Variants in CDCA8 observed in about 807,000 individuals in gnomAD.
CDCA8 encodes the protein cell division cycle associated 8.
A neutral mutation model predicts 40.0 loss-of-function variants in CDCA8; 25 were observed. That is an observed-to-expected ratio of 0.63 (90% CI 0.46 to 0.87). CDCA8 has a LOEUF of 0.87. Ranked by LOEUF, CDCA8 falls within the 40% of genes least tolerant of loss-of-function variation. The pLI, the probability that CDCA8 is intolerant of heterozygous loss-of-function variation, is 0.00. For missense variants in CDCA8, 280 were observed against 348.4 expected (o/e 0.80, Z 1.56); for synonymous variants, 111 against 126.5 (o/e 0.88, Z 0.82).
chr1:37,698,164 T>C (rs1261569291), intron 3 of CDCA8, among the ~76,000 whole-genome samples: 1 of 152,200 alleles, frequency 6.6e-6, no homozygotes, highest in African/African-American at 2.4e-5. Context: ...TTGTAGAGGA[T>C]GTAGATCATT....
rs191458451 is a variant in CDCA8 at position 37,707,131 on chromosome 1, G to C, written c.798+67G>C. 92 of 1,218,778 alleles carry C rather than the reference G, an allele frequency of 7.5e-5. 1 individual carries two copies. The highest frequency in any genetic ancestry group is 5.6e-4 in the Admixed American group (32 of 56,952). 75.5% of individuals were successfully genotyped at this position (1,218,778 alleles called of 1,614,324 possible). A position where few individuals can be genotyped will look rare whatever the true frequency, so the allele number is the denominator to read the frequency against. On this transcript the variant is annotated intron_variant, in intron 9 of 9. Transcript: ENST00000373055. ...AGCTTTCTTGGGCTACCTTTATTTAGGATTGTCTTTTGGGCCTGGGCTAAT... is the reference window on the plus strand; with the variant it reads ...AGCTTTCTTGGGCTACCTTTATTTACGATTGTCTTTTGGGCCTGGGCTAAT...
chr1:37,692,891 C>T lies in CDCA8; in HGVS notation c.95-14C>T, dbSNP rs368058384. Reference sequence around the variant, plus strand: ...GCCCGTGACCCGTGTCCTGTCGGCTCTGCCCTCCCGCAGTGGAAATACGAA... The same window carrying T: ...GCCCGTGACCCGTGTCCTGTCGGCTTTGCCCTCCCGCAGTGGAAATACGAA... On this transcript the variant is annotated splice_polypyrimidine_tract_variant and intron_variant, in intron 1 of 9. Coordinates refer to ENST00000373055, the MANE Select transcript of CDCA8 (RefSeq NM_001256875.2). 2.5e-6 allele frequency: 4 copies of T among 1,613,830 alleles called. No individual in the cohort carries two copies. Among genetic ancestry groups the T allele is most frequent in the Non-Finnish European group, 3.4e-6 (4 of 1,179,850 alleles).
Position 37,705,810 on chromosome 1 carries a change from G to GTT in CDCA8, c.711+260_711+261dup, listed in dbSNP as rs35363414. ...TTGGTTTTGTTTTTGTTTTTTGTGG[G>GTT]TTTTTTTTTTTTTTTTTTGAGATGG... On this transcript the variant is annotated intron_variant, in intron 8 of 9. Transcript: ENST00000373055. 9.1e-3 allele frequency among the ~76,000 whole-genome samples: 1,180 copies of GTT among 129,080 alleles called. 25 individuals are homozygous for GTT. The highest frequency in any genetic ancestry group is 0.028 in the African/African-American group (931 of 33,490). The allele number at this position is 129,080 out of a possible 152,430, so 84.7% of individuals were successfully genotyped here.
At chr1:37,707,138 C>G in intron 9 of CDCA8, 74 bp downstream of exon 9, 1 of 1,122,146 alleles carries the variant, frequency 8.9e-7, no homozygotes, top group Non-Finnish European at 1.4e-6. Flanking sequence ...TTAGGATTGT[C>G]TTTTGGGCCT....
In CDCA8 at chr1:37,692,668, C is replaced by T. The variant is rs753696028; in HGVS notation, c.-23C>T. ...GCTTCCCTGCCCCATCTCCGCCGCT[C>T]CCCGCAGCCTCCGCCGAGCGCCATG... On this transcript the variant is annotated 5_prime_UTR_variant, in exon 1 of 10. Coordinates refer to ENST00000373055, the MANE Select transcript of CDCA8 (RefSeq NM_001256875.2). The T allele has an allele frequency of 1.2e-6, 2 of 1,601,830 alleles. No homozygotes were observed. The highest frequency in any genetic ancestry group is 1.7e-5 in the Admixed American group (1 of 59,638).
intron 1 of CDCA8, 34 bp downstream of exon 1, chr1:37,692,818 G>T (rs565289223): frequency 1.2e-6 from 2 of 1,613,114 alleles, no homozygotes; most frequent in Non-Finnish European, 1.7e-6. Flanking sequence ...CTCCTGGGGC[G>T]GTCGCGGGAT....
chr1:37,703,515 A>G (rs1379241685), intron 7 of CDCA8, among the ~76,000 whole-genome samples, 168 bp downstream of exon 7: 1 of 152,228 alleles, frequency 6.6e-6, no homozygotes, highest in African/African-American at 2.4e-5. Flanking sequence ...CAGGAGTTCA[A>G]GACCAGCCTG....
Position 37,708,859 on chromosome 1 carries a change from T to TG in CDCA8, c.*499dup. 4.5e-6 allele frequency: 1 copy of TG among 221,630 alleles called. No homozygotes were observed. The highest frequency in any genetic ancestry group is 8.0e-5 in the South Asian group (1 of 12,554). 13.7% of individuals were successfully genotyped at this position (221,630 alleles called of 1,614,324 possible). On this transcript the variant is annotated 3_prime_UTR_variant, in exon 10 of 10. Coordinates refer to ENST00000373055, the MANE Select transcript of CDCA8 (RefSeq NM_001256875.2). ...GCCATGAGAGGGTAGGTCCAGAAGG[T>TG]GGGGGGAACTGTACAGATCAGCAGA...
chr1:37,705,810 GTTT>G (rs35363414), intron 8 of CDCA8, among the ~76,000 whole-genome samples: 3 of 129,114 alleles, frequency 2.3e-5, no homozygotes. Flanking sequence ...TTTTTTGTGG[GTTT>G]TTTTTTTTTT....
chr1:37,694,875 A>C (rs1219974376), intron 2 of CDCA8, among the ~76,000 whole-genome samples: 1 of 152,264 alleles, frequency 6.6e-6, no homozygotes, highest in Non-Finnish European at 1.5e-5. Flanking sequence ...AATCTCACAA[A>C]GACCTTTTCA....
chr1:37,707,059 C>A lies in CDCA8; in HGVS notation c.793C>A (p.Leu265Ile), dbSNP rs1452342142. The A allele has an allele frequency of 6.2e-6, 10 of 1,613,294 alleles. No individual in the cohort carries two copies. Among genetic ancestry groups the A allele is most frequent in the Non-Finnish European group, 8.5e-6 (10 of 1,179,198 alleles). ...AGAGGCCTTGGGAAACATTAAGAAG[C>A]TCTCCGTAAGTCTCATATTCATCTC... is the stretch of plus-strand genomic sequence containing the variant. ...DPEALGNIKKLSNRLAQICSS... is the reference protein window; with the variant it reads ...DPEALGNIKKISNRLAQICSS... Residue 265 changes from leucine (L) to isoleucine (I), a missense_variant, in exon 9 of 10, where the codon CTC (leucine) becomes ATC (isoleucine). Transcript: ENST00000373055.
rs1645525589 is a variant in CDCA8, at chr1:37,696,207, G to T, written c.264+257G>T. Among the ~76,000 whole-genome samples, 1 of 152,174 alleles carries T rather than the reference G, an allele frequency of 6.6e-6. No homozygotes were observed. The highest frequency in any genetic ancestry group is 2.4e-5 in the African/African-American group (1 of 41,446). On this transcript the variant is annotated intron_variant, in intron 3 of 9. Transcript: ENST00000373055. This position sits in a 1 kb window ranked among gnomAD's most constrained non-coding sequence, Gnocchi z 5.0. ...CTGAACTCTACAGCGGAAGTAGAAA[G>T]CCTCAAGCCCAAGTTCCTTTAAGCG...
chr1:37,706,457 A>G (rs1370485083), intron 8 of CDCA8, among the ~76,000 whole-genome samples: 1 of 152,216 alleles, frequency 6.6e-6, no homozygotes, highest in East Asian at 1.9e-4. Flanking sequence ...AGTAGGCCCA[A>G]GAAGTAGACA....
At chr1:37,693,944 C>T (rs552471150) in intron 2 of CDCA8, among the ~76,000 whole-genome samples, 47 of 152,072 alleles carry the variant, frequency 3.1e-4, no homozygotes, top group African/African-American at 1.1e-3. Flanking sequence ...TCGAGACCAG[C>T]CTGACCAACA....
chr1:37,705,956 C>G (rs1156530668), intron 8 of CDCA8, among the ~76,000 whole-genome samples: 1 of 151,194 alleles, frequency 6.6e-6, no homozygotes, highest in Non-Finnish European at 1.5e-5. Flanking sequence ...ACTACAGGCA[C>G]ACGCCATCAT....
chr1:37,705,118 G>A (rs946154996), intron 7 of CDCA8, among the ~76,000 whole-genome samples: 9 of 152,122 alleles, frequency 5.9e-5, no homozygotes, highest in African/African-American at 1.4e-4. Flanking sequence ...AAGCAGCCAC[G>A]CCTGGAAACA....
At chr1:37,699,852 G>A (rs1645551914) in intron 4 of CDCA8, among the ~76,000 whole-genome samples, 3 of 152,026 alleles carry the variant, frequency 2.0e-5, no homozygotes, top group Admixed American at 2.0e-4. Context: ...CCCGGGAGGT[G>A]GAGCTGGCAG....
At chr1:37,702,094 G>A (rs976691094) in intron 6 of CDCA8, among the ~76,000 whole-genome samples, 1 of 144,140 alleles carries the variant, frequency 6.9e-6, no homozygotes, top group African/African-American at 2.6e-5. Context: ...AGGCTGGAGT[G>A]CAATGGTGCA....
chr1:37,693,722 T>G (rs767207518), intron 2 of CDCA8, among the ~76,000 whole-genome samples: 11 of 152,178 alleles, frequency 7.2e-5, no homozygotes, highest in Non-Finnish European at 1.5e-4. Context: ...TTTAAAAATA[T>G]ATGTATATTT....
Sources: gnomAD v4.1 joint callset for allele counts (sites outside exome capture counted in the v4.1 genomes callset) on GRCh38, gnomAD v4.1.1 for gene constraint, Gnocchi (gnomAD v3.1) non-coding constraint, MANE v1.5 for transcripts, NCBI Gene and HGNC (gene_info 2026-07-23, HGNC 2026-07-21) for gene names.